Variants in RASAL2 observed in about 807,000 individuals in gnomAD.
RASAL2 encodes ras GTPase-activating protein nGAP.
A neutral mutation model predicts 128.9 loss-of-function variants in RASAL2; 58 were observed. That is an observed-to-expected ratio of 0.45 (90% CI 0.36 to 0.56). The LOEUF (loss-of-function observed/expected upper bound fraction) is 0.56. Among genes scored for constraint, RASAL2 ranks in the 20% least tolerant of loss-of-function variants. The pLI is 0.00. For synonymous variants in RASAL2, 561 were observed against 580.8 expected (o/e 0.97, Z 0.49); for missense variants, 1,360 against 1,601.6 (o/e 0.85, Z 2.57).
chr1:178,120,201 A>G (rs1659664510), intron 1 of RASAL2, among the ~76,000 whole-genome samples: 1 of 152,256 alleles, frequency 6.6e-6, no homozygotes, highest in African/African-American at 2.4e-5. Flanking sequence ...AATATTGTAC[A>G]AAGTGGCTTG....
At chr1:178,439,366 C>A in intron 5 of RASAL2, 56 bp from the exon 6 acceptor site, 1 of 1,473,310 alleles carries the variant, frequency 6.8e-7, no homozygotes, top group Non-Finnish European at 9.2e-7. Flanking sequence ...TGCATTAGAC[C>A]TTCATTTCCT....
At chr1:178,399,121 C>G (rs774781767) in intron 4 of RASAL2, among the ~76,000 whole-genome samples, 7 of 152,164 alleles carry the variant, frequency 4.6e-5, no homozygotes, top group Non-Finnish European at 8.8e-5. Context: ...CTGCTGCCTC[C>G]CTGGAATGAA....
chr1:178,390,105 C>G lies in RASAL2; in HGVS notation c.463C>G (p.Pro155Ala), dbSNP rs769196546. 1.3e-6 allele frequency: 2 copies of G among 1,599,184 alleles called. No homozygotes were observed. Among genetic ancestry groups the G allele is most frequent in the African/African-American group, 1.4e-5 (1 of 73,880 alleles). The change falls in exon 4 of 18, where the codon CCA becomes GCA. Residue 155 changes from proline to alanine, a missense_variant. Physicochemically the swap from Pro to Ala is conservative, Grantham distance 27. Transcript: ENST00000367649. ...ACTTTCCTCCTTTTTTCCAGAGGTACCAGCAGAAAGGTCCCCTCGTAGACG... is the reference window on the plus strand; with the variant it reads ...ACTTTCCTCCTTTTTTCCAGAGGTAGCAGCAGAAAGGTCCCCTCGTAGACG... ...PPEGATKLEV[P>A]AERSPRRRSI...
At chr1:178,312,674 T>C (rs983475586) in intron 3 of RASAL2, among the ~76,000 whole-genome samples, 25 of 152,274 alleles carry the variant, frequency 1.6e-4, no homozygotes, top group Admixed American at 1.5e-3. Context: ...GACAGCCAGT[T>C]CAGACTGGAG....
chr1:178,269,044 G>A (rs1212900539), intron 1 of RASAL2, among the ~76,000 whole-genome samples: 2 of 152,190 alleles, frequency 1.3e-5, no homozygotes. Flanking sequence ...ATCTGAGTGT[G>A]CTGTATTTGG....
At chr1:178,382,153 T>C (rs1015528882) in intron 3 of RASAL2, among the ~76,000 whole-genome samples, 19 of 152,198 alleles carry the variant, frequency 1.2e-4, no homozygotes, top group Non-Finnish European at 2.2e-4. Flanking sequence ...TTGAAAGACA[T>C]GGTTTATTTT....
chr1:178,140,243 G>A (rs1263295683), intron 1 of RASAL2, among the ~76,000 whole-genome samples: 1 of 152,056 alleles, frequency 6.6e-6, no homozygotes, highest in African/African-American at 2.4e-5. Flanking sequence ...AGAAAATACA[G>A]AGAGTTCCCA....
rs1330733944 is a variant in RASAL2 at position 178,134,818 on chromosome 1, C to T, written c.202+40124C>T. 2.6e-5 allele frequency among the ~76,000 whole-genome samples: 4 copies of T among 152,218 alleles called. No homozygotes were observed. In the South Asian group the frequency reaches 6.2e-4, roughly 24 times the overall value. ...CTGAAGACAAAGTACAATCAAATCA[C>T]TGGCTACCAAGAGTTGGAAGTGAGA... On this transcript the variant is annotated intron_variant, in intron 1 of 17. Coordinates refer to ENST00000367649, the MANE Select transcript of RASAL2 (RefSeq NM_170692.4).
At chr1:178,367,865 G>A (rs1671485297) in intron 3 of RASAL2, among the ~76,000 whole-genome samples, 1 of 152,180 alleles carries the variant, frequency 6.6e-6, no homozygotes, top group Admixed American at 6.5e-5. Context: ...TAAGGACTTG[G>A]TAGATATCCG....
At chr1:178,215,344 C>T (rs183552633) in intron 1 of RASAL2, among the ~76,000 whole-genome samples, 164 of 152,316 alleles carry the variant, frequency 1.1e-3, no homozygotes, top group African/African-American at 3.7e-3. Flanking sequence ...ACAAAACCTC[C>T]CATGGGTTCT....
At chr1:178,287,231 A>G (rs1299747994) in intron 2 of RASAL2, among the ~76,000 whole-genome samples, 1 of 151,696 alleles carries the variant, frequency 6.6e-6, no homozygotes, top group African/African-American at 2.4e-5. Flanking sequence ...GGAGAAAATT[A>G]CACATACCAT....
chr1:178,332,419 C>T (rs1047199666), intron 3 of RASAL2, among the ~76,000 whole-genome samples: 7 of 151,714 alleles, frequency 4.6e-5, no homozygotes, highest in African/African-American at 1.5e-4. Context: ...GCAGGACAAT[C>T]GCTTGAACCC....
intron 1 of RASAL2, among the ~76,000 whole-genome samples, chr1:178,166,801 A>G (rs1271153437): frequency 2.0e-5 from 3 of 152,158 alleles, no homozygotes; most frequent in Admixed American, 2.0e-4. Context: ...AAATTGACAA[A>G]TGGTACCTAA....
chr1:178,351,732 G>GAAA (rs571231229), intron 3 of RASAL2, among the ~76,000 whole-genome samples: 17 of 111,032 alleles, frequency 1.5e-4, no homozygotes, highest in African/African-American at 4.0e-4. Flanking sequence ...CTATCTCAAG[G>GAAA]AAAAAAAAAA....
intron 1 of RASAL2, among the ~76,000 whole-genome samples, chr1:178,129,817 C>T (rs1197198754): frequency 6.6e-6 from 1 of 152,110 alleles, no homozygotes; most frequent in Non-Finnish European, 1.5e-5. Context: ...ATCCTGACAT[C>T]ATTGTTAGAA....
At chr1:178,287,187 A>G (rs1667068230) in intron 2 of RASAL2, among the ~76,000 whole-genome samples, 1 of 151,404 alleles carries the variant, frequency 6.6e-6, no homozygotes, top group South Asian at 2.1e-4. Flanking sequence ...CTCTTTATCT[A>G]GTCTGCCCAG....
rs60835442 is a variant in RASAL2 at position 178,373,274 on chromosome 1, C to CTTTTTTTTTTT, written c.458-16821_458-16811dup. On this transcript the variant is annotated intron_variant, in intron 3 of 17. Coordinates refer to ENST00000367649, the MANE Select transcript of RASAL2 (RefSeq NM_170692.4). The stretch of plus-strand genomic sequence containing the variant: ...TCAATCTTAGCATTCTGTTTCTTTC[C>CTTTTTTTTTTT]TTTTTTTTTTTTTTTGCAGTTTAGA... Among the ~76,000 whole-genome samples the CTTTTTTTTTTT allele has an allele frequency of 3.5e-3, 212 of 60,006 alleles. 22 individuals carry two copies. Among genetic ancestry groups the CTTTTTTTTTTT allele is most frequent in the African/African-American group, 0.014 (182 of 13,424 alleles). The allele number at this position is 60,006 out of a possible 152,430, so 39.4% of individuals were successfully genotyped here.
intron 3 of RASAL2, among the ~76,000 whole-genome samples, chr1:178,351,213 T>G (rs748112011): frequency 2.0e-5 from 3 of 152,192 alleles, no homozygotes; most frequent in Non-Finnish European, 2.9e-5. Flanking sequence ...TAATTTGACA[T>G]GAGATTTGGG....
intron 6 of RASAL2, 97 bp from the exon 7 acceptor site, chr1:178,441,452 C>A: frequency 1.3e-6 from 1 of 793,770 alleles, no homozygotes; most frequent in East Asian, 2.8e-5. Flanking sequence ...ACATTTCGAC[C>A]TTATCATTTA....
Sources: gnomAD v4.1 joint callset for allele counts (sites outside exome capture counted in the v4.1 genomes callset) on GRCh38, gnomAD v4.1.1 for gene constraint, MANE v1.5 for transcripts, NCBI Gene and HGNC (gene_info 2026-07-23, HGNC 2026-07-21) for gene names.